Variants in EYS observed in about 807,000 individuals in gnomAD.
EYS encodes protein eyes shut homolog.
Under a neutral mutation model 282.1 loss-of-function variants are expected in EYS, and 250 were observed. The observed-to-expected ratio is 0.89, with a 90% confidence interval of 0.80 to 0.98. The LOEUF (loss-of-function observed/expected upper bound fraction) is 0.98, where lower values mean the gene tolerates loss of function less well. Ranked by LOEUF, EYS falls within the 50% of genes least tolerant of loss-of-function variation. The pLI, the probability that EYS is intolerant of heterozygous loss-of-function variation, is 0.00. For synonymous variants in EYS, 1,355 were observed against 1,282.9 expected, an observed-to-expected ratio of 1.06 and a Z score of -1.20; for missense variants, 4,016 against 3,709.0, an observed-to-expected ratio of 1.08 and a Z score of -2.15.
intron 26 of EYS, among the ~76,000 whole-genome samples, chr6:64,528,497 G>C (rs540956467): frequency 6.6e-6 from 1 of 151,980 alleles, no homozygotes; most frequent in South Asian, 2.1e-4. Context: ...AATTCATATG[G>C]TAACATTTAA....
At chr6:63,953,305 A>G (rs1159738106) in intron 35 of EYS, among the ~76,000 whole-genome samples, 1 of 151,988 alleles carries the variant, frequency 6.6e-6, no homozygotes, top group African/African-American at 2.4e-5. Context: ...CTTTCTTTCC[A>G]TCCATCTGCT....
chr6:64,711,784 G>T (rs138271909), intron 22 of EYS, among the ~76,000 whole-genome samples: 1 of 152,292 alleles, frequency 6.6e-6, no homozygotes, highest in East Asian at 1.9e-4. Flanking sequence ...CCCCTCCGAA[G>T]TCAGGTTGTC....
At chr6:63,875,321 C>T (rs1241786954) in intron 35 of EYS, among the ~76,000 whole-genome samples, 1 of 152,156 alleles carries the variant, frequency 6.6e-6, no homozygotes, top group Non-Finnish European at 1.5e-5. Flanking sequence ...AGGGATGAAG[C>T]CAACTTGATC....
chr6:64,231,351 G>A (rs1376859355), intron 30 of EYS, among the ~76,000 whole-genome samples: 1 of 151,474 alleles, frequency 6.6e-6, no homozygotes, highest in Non-Finnish European at 1.5e-5. Context: ...AATAAATAAT[G>A]AACAACAACA....
chr6:64,656,394 C>T (rs1195033988), intron 22 of EYS, among the ~76,000 whole-genome samples: 1 of 152,024 alleles, frequency 6.6e-6, no homozygotes, highest in Non-Finnish European at 1.5e-5. Flanking sequence ...ACAACCTTGA[C>T]TGATTGATGG....
intron 22 of EYS, among the ~76,000 whole-genome samples, chr6:64,761,952 G>A (rs1175955080): frequency 2.0e-5 from 3 of 152,068 alleles, no homozygotes; most frequent in African/African-American, 7.2e-5. Flanking sequence ...CAATTCGATA[G>A]GAGAAAATAT....
At chr6:64,003,734 C>T (rs1411556284) in intron 33 of EYS, among the ~76,000 whole-genome samples, 1 of 152,168 alleles carries the variant, frequency 6.6e-6, no homozygotes, top group Non-Finnish European at 1.5e-5. Flanking sequence ...CCATAATCCC[C>T]ACATGTCATG....
chr6:64,328,787 T>C (rs1315489505), intron 29 of EYS, among the ~76,000 whole-genome samples: 1 of 151,870 alleles, frequency 6.6e-6, no homozygotes, highest in Non-Finnish European at 1.5e-5. Flanking sequence ...AAGAAACTGG[T>C]TTTGTGAGAA....
At chr6:64,525,237 C>T (rs1158833209) in intron 26 of EYS, among the ~76,000 whole-genome samples, 1 of 151,736 alleles carries the variant, frequency 6.6e-6, no homozygotes, top group African/African-American at 2.4e-5. Context: ...ATGTTCATTG[C>T]AGCACTATTC....
At chr6:63,857,887 G>T in intron 36 of EYS, 1 of 189,466 alleles carries the variant, frequency 5.3e-6, no homozygotes. Flanking sequence ...TCTTTGGGGT[G>T]GGGACTCTTA....
At chr6:63,792,643 C>T (rs1188549552) in intron 37 of EYS, among the ~76,000 whole-genome samples, 1 of 151,674 alleles carries the variant, frequency 6.6e-6, no homozygotes, top group Non-Finnish European at 1.5e-5. Context: ...CTGTCTTATA[C>T]CACTTGCATG....
intron 12 of EYS, among the ~76,000 whole-genome samples, chr6:65,125,865 T>C (rs1255219635): frequency 6.6e-6 from 1 of 152,064 alleles, no homozygotes; most frequent in African/African-American, 2.4e-5. Flanking sequence ...AAAGCCCCAT[T>C]ATGTGAGTAA....
At chr6:65,687,953 A>C (rs958815663) in intron 1 of EYS, among the ~76,000 whole-genome samples, 2 of 152,212 alleles carry the variant, frequency 1.3e-5, no homozygotes, top group African/African-American at 4.8e-5. Flanking sequence ...AAATGGAAGA[A>C]CATTCCATGC....
chr6:64,315,048 A>G (rs997447588), intron 29 of EYS, among the ~76,000 whole-genome samples: 1 of 152,180 alleles, frequency 6.6e-6, no homozygotes, highest in African/African-American at 2.4e-5. Flanking sequence ...AAAGAAGAAA[A>G]GAGAGAAGAA....
At chr6:64,696,223 A>G (rs1180779800) in intron 22 of EYS, among the ~76,000 whole-genome samples, 3 of 152,198 alleles carry the variant, frequency 2.0e-5, no homozygotes, top group Non-Finnish European at 4.4e-5. Context: ...TACAAAATAC[A>G]TTTGAAAGCT....
chr6:65,684,280 T>C (rs572842603), intron 1 of EYS, among the ~76,000 whole-genome samples: 2 of 152,072 alleles, frequency 1.3e-5, no homozygotes, highest in South Asian at 2.1e-4. Context: ...AATCCTCTTA[T>C]CTCCCCAAGC....
At chr6:65,363,197 C>CT (rs34228999) in intron 8 of EYS, among the ~76,000 whole-genome samples, 34 of 150,930 alleles carry the variant, frequency 2.3e-4, no homozygotes, top group South Asian at 1.5e-3. Flanking sequence ...TATTAAAACT[C>CT]TTTTTTTTTG....
chr6:65,643,166 A>T (rs1285387766), intron 1 of EYS, among the ~76,000 whole-genome samples: 2 of 152,156 alleles, frequency 1.3e-5, no homozygotes, highest in Non-Finnish European at 2.9e-5. Context: ...GCTGCCTAAA[A>T]ATAGACTCAG....
At chr6:64,125,785 C>CAAAAAAAAA (rs920132590) in intron 31 of EYS, among the ~76,000 whole-genome samples, 20 of 50,016 alleles carry the variant, frequency 4.0e-4, no homozygotes, top group African/African-American at 1.1e-3. Context: ...GACTCCGTCT[C>CAAAAAAAAA]AAAAAAAAAA....
Sources: gnomAD v4.1 joint callset for allele counts (sites outside exome capture counted in the v4.1 genomes callset) on GRCh38, gnomAD v4.1.1 for gene constraint, MANE v1.5 for transcripts, NCBI Gene and HGNC (gene_info 2026-07-23, HGNC 2026-07-21) for gene names.